Variants in ZPBP observed in about 807,000 individuals in gnomAD.
The protein encoded by ZPBP is zona pellucida binding protein.
Under a neutral mutation model 44.8 loss-of-function variants are expected in ZPBP, and 26 were observed. That is an observed-to-expected ratio of 0.58 (90% confidence interval 0.43 to 0.81). ZPBP has a LOEUF of 0.81. Ranked by LOEUF, ZPBP falls within the 30% of genes least tolerant of loss-of-function variation. The pLI, the probability that ZPBP is intolerant of heterozygous loss-of-function variation, is 0.00. For synonymous variants in ZPBP, 174 were observed against 153.2 expected (o/e 1.14, Z -1.00); for missense variants, 409 against 434.0 (o/e 0.94, Z 0.51).
intron 5 of ZPBP, among the ~76,000 whole-genome samples, chr7:50,025,212 C>A (rs1168708682): frequency 1.3e-5 from 2 of 151,728 alleles, no homozygotes; most frequent in East Asian, 1.9e-4. Context: ...TCAGTTCTTG[C>A]CAATTTGATA....
chr7:49,855,753 C>T (rs916496945), intron 2 of ZPBP, among the ~76,000 whole-genome samples: 1 of 152,150 alleles, frequency 6.6e-6, no homozygotes. Flanking sequence ...CCTCCAGGGT[C>T]CCTGCCTCCC....
chr7:49,902,524 A>G (rs912908322), intron 1 of ZPBP, among the ~76,000 whole-genome samples: 6 of 151,040 alleles, frequency 4.0e-5, no homozygotes, highest in African/African-American at 1.5e-4. Context: ...TTTTTAACAA[A>G]TGACACTGTA....
At chr7:49,977,689 A>G (rs1796593264) in intron 7 of ZPBP, among the ~76,000 whole-genome samples, 1 of 152,194 alleles carries the variant, frequency 6.6e-6, no homozygotes, top group Non-Finnish European at 1.5e-5. Context: ...AAGCAATAGG[A>G]AAAAAAGTTG....
At chr7:49,856,265 C>T (rs1790412815) in intron 2 of ZPBP, among the ~76,000 whole-genome samples, 1 of 152,086 alleles carries the variant, frequency 6.6e-6, no homozygotes, top group Admixed American at 6.5e-5. Flanking sequence ...TGGTGCTCTC[C>T]CCTTGGTAAT....
chr7:50,066,806 C>T (rs1185733065), intron 3 of ZPBP, among the ~76,000 whole-genome samples: 1 of 152,146 alleles, frequency 6.6e-6, no homozygotes, highest in African/African-American at 2.4e-5. Flanking sequence ...CATAGACTGA[C>T]CAGCCTCCAG....
At chr7:49,928,507 C>T (rs1583857516) in intron 1 of ZPBP, among the ~76,000 whole-genome samples, 1 of 152,224 alleles carries the variant, frequency 6.6e-6, no homozygotes, top group African/African-American at 2.4e-5. Flanking sequence ...TTCAGGACCA[C>T]CCCTGTGGGT....
chr7:50,061,487 G>T (rs1232983537), intron 3 of ZPBP, among the ~76,000 whole-genome samples: 2 of 152,154 alleles, frequency 1.3e-5, no homozygotes, highest in African/African-American at 4.8e-5. Flanking sequence ...GATCATTTGA[G>T]GCCATGAGTT....
At chr7:49,890,738 A>C (rs1792093023) in intron 2 of ZPBP, among the ~76,000 whole-genome samples, 1 of 152,140 alleles carries the variant, frequency 6.6e-6, no homozygotes, top group Non-Finnish European at 1.5e-5. Context: ...AACAAAAAAA[A>C]AAAAAACTGA....
chr7:49,940,249 G>A (rs996897126), intron 7 of ZPBP, among the ~76,000 whole-genome samples: 1 of 152,072 alleles, frequency 6.6e-6, no homozygotes, highest in African/African-American at 2.4e-5. Context: ...AGATCTCATG[G>A]TCTTTTGTTA....
chr7:49,862,600 T>C (rs1790699656), intron 2 of ZPBP, among the ~76,000 whole-genome samples: 1 of 152,162 alleles, frequency 6.6e-6, no homozygotes, highest in Admixed American at 6.5e-5. Context: ...GCTGTAGGTT[T>C]TTCATAAAAG....
chr7:49,866,900 A>G (rs1790914842), intron 2 of ZPBP, among the ~76,000 whole-genome samples: 1 of 152,164 alleles, frequency 6.6e-6, no homozygotes, highest in Non-Finnish European at 1.5e-5. Flanking sequence ...GCTCCATTGG[A>G]GCAGCAGCAC....
At chr7:49,989,215 T>G (rs1202294751) in intron 6 of ZPBP, among the ~76,000 whole-genome samples, 2 of 152,126 alleles carry the variant, frequency 1.3e-5, no homozygotes, top group Non-Finnish European at 2.9e-5. Flanking sequence ...CAGATAAAGG[T>G]CCCATGGGAG....
chr7:49,896,037 G>A (rs1001143480), intron 2 of ZPBP, among the ~76,000 whole-genome samples: 8 of 152,048 alleles, frequency 5.3e-5, no homozygotes, highest in Non-Finnish European at 7.4e-5. Context: ...TAAAGTAAAC[G>A]TTTAATGAAA....
chr7:50,008,842 T>C (rs2366024), intron 6 of ZPBP, among the ~76,000 whole-genome samples: 3,234 of 152,168 alleles, frequency 0.021, 267 homozygotes, highest in Admixed American at 0.15. Context: ...AGCACAGTAC[T>C]GGATGTTTTA....
At chr7:49,934,013 T>C (rs1234565708), downstream of ZPBP, among the ~76,000 whole-genome samples, 1 of 147,926 alleles carries the variant, frequency 6.8e-6, no homozygotes, top group Non-Finnish European at 1.5e-5. Context: ...GTAACAAACC[T>C]ACACGTTGTG....
intron 5 of ZPBP, among the ~76,000 whole-genome samples, chr7:50,022,966 C>T (rs1203343897): frequency 6.6e-6 from 1 of 152,040 alleles, no homozygotes; most frequent in Non-Finnish European, 1.5e-5. Context: ...GTCTAGGAAA[C>T]CCCACAAGTT....
At chr7:49,980,599 C>G (rs900002816) in intron 7 of ZPBP, among the ~76,000 whole-genome samples, 2 of 151,842 alleles carry the variant, frequency 1.3e-5, no homozygotes, top group African/African-American at 2.4e-5. Flanking sequence ...GTGCAGAACT[C>G]AAATGGTGAG....
downstream of ZPBP, among the ~76,000 whole-genome samples, chr7:49,846,185 T>C (rs185680941): frequency 6.6e-6 from 1 of 152,318 alleles, no homozygotes; most frequent in East Asian, 1.9e-4. Flanking sequence ...ATCCACCCCA[T>C]TTCCAATACC....
At chr7:49,925,492 C>T (rs1235850469) in intron 1 of ZPBP, among the ~76,000 whole-genome samples, 1 of 152,200 alleles carries the variant, frequency 6.6e-6, no homozygotes, top group African/African-American at 2.4e-5. Flanking sequence ...ATCGCTCTAT[C>T]CTGGCTGCTC....
Sources: gnomAD v4.1 joint callset for allele counts (sites outside exome capture counted in the v4.1 genomes callset) on GRCh38, gnomAD v4.1.1 for gene constraint, MANE v1.5 for transcripts, NCBI Gene and HGNC (gene_info 2026-07-23, HGNC 2026-07-21) for gene names.